Variants in CAMSAP1 observed in about 807,000 individuals in gnomAD.
The protein encoded by CAMSAP1 is calmodulin-regulated spectrin-associated protein 1.
In CAMSAP1, 58 loss-of-function variants were observed where a neutral mutation model predicts 143.5. The ratio of observed to expected loss-of-function variants is 0.40; its 90% confidence interval spans 0.33 to 0.50. The LOEUF (loss-of-function observed/expected upper bound fraction) is 0.50, where lower values mean the gene tolerates loss of function less well. Among genes scored for constraint, CAMSAP1 ranks in the 20% least tolerant of loss-of-function variants. CAMSAP1 has a pLI of 0.45. For synonymous variants in CAMSAP1, 945 were observed against 859.3 expected, an observed-to-expected ratio of 1.10 and a Z score of -1.74; for missense variants, 1,969 against 2,115.7, an observed-to-expected ratio of 0.93 and a Z score of 1.36.
intron 3 of CAMSAP1, among the ~76,000 whole-genome samples, chr9:135,880,535 AAGAGCAGGGCAAC>A (rs1837908569): frequency 6.6e-6 from 1 of 151,236 alleles, no homozygotes; most frequent in African/African-American, 2.5e-5. Flanking sequence ...AAAACAGCTC[AAGAGCAGGGCAAC>A]TGTCTTAGAA....
intron 1 of CAMSAP1, among the ~76,000 whole-genome samples, chr9:135,884,921 G>A (rs1272728356): frequency 6.6e-6 from 1 of 152,222 alleles, no homozygotes; most frequent in Non-Finnish European, 1.5e-5. Flanking sequence ...GGCCGTGGAG[G>A]GAAGTCAGGG....
At chr9:135,828,025 C>T (rs958979452) in intron 7 of CAMSAP1, among the ~76,000 whole-genome samples, 1 of 152,232 alleles carries the variant, frequency 6.6e-6, no homozygotes, top group African/African-American at 2.4e-5. Flanking sequence ...AGTGAGGGAC[C>T]GAGGCAGGGT....
chr9:135,832,574 A>G (rs1195115251), intron 7 of CAMSAP1, among the ~76,000 whole-genome samples: 1 of 152,198 alleles, frequency 6.6e-6, no homozygotes, highest in Non-Finnish European at 1.5e-5. Context: ...CAGATAAATT[A>G]GTCAAAATAA....
chr9:135,866,503 C>T lies in CAMSAP1; in HGVS notation c.619G>A (p.Glu207Lys). The T allele has an allele frequency of 6.8e-7, 1 of 1,477,296 alleles. No individual in the cohort carries two copies. Among genetic ancestry groups the T allele is most frequent in the South Asian group, 1.2e-5 (1 of 82,486 alleles). The allele number at this position is 1,477,296 out of a possible 1,614,324, so 91.5% of individuals were successfully genotyped here. The change falls in exon 4 of 17, where the codon GAA becomes AAA. Residue 207 changes from glutamate to lysine, a missense_variant. By Grantham distance (56) the Glu-to-Lys change is moderately conservative (BLOSUM62 1). Coordinates refer to ENST00000389532, the MANE Select transcript of CAMSAP1 (RefSeq NM_015447.4). The part of the protein sequence containing the change: ...NLKMREITEK[E>K]VKLKQQLLES... ...AATAACTGTTGTTTTAATTTAACTT[C>T]TTTCTCTGTTATCTCTCTCATTTTA...
chr9:135,812,679 G>C (rs1266654308), intron 16 of CAMSAP1, among the ~76,000 whole-genome samples: 1 of 152,176 alleles, frequency 6.6e-6, no homozygotes, highest in East Asian at 1.9e-4. Context: ...ATCTCATAAA[G>C]CTGTTTGGGC....
chr9:135,861,751 T>C (rs1195141380), intron 5 of CAMSAP1, among the ~76,000 whole-genome samples: 1 of 152,230 alleles, frequency 6.6e-6, no homozygotes, highest in Non-Finnish European at 1.5e-5. Flanking sequence ...TCCATATTAG[T>C]TTGGGGGGCA....
intron 7 of CAMSAP1, among the ~76,000 whole-genome samples, chr9:135,831,299 C>T (rs1047456679): frequency 6.6e-6 from 1 of 151,846 alleles, no homozygotes; most frequent in Non-Finnish European, 1.5e-5. Context: ...CTGAATGAAG[C>T]GGAATACAAC....
Position 135,873,559 on chromosome 9 carries a change from A to C in CAMSAP1, c.586-7023T>G, listed in dbSNP as rs528966455. 2.0e-5 allele frequency among the ~76,000 whole-genome samples: 3 copies of C among 152,296 alleles called. No homozygotes were observed. In the South Asian group the frequency reaches 6.2e-4, roughly 32 times the overall value. On this transcript the variant is annotated intron_variant, in intron 3 of 16. Coordinates refer to ENST00000389532, the MANE Select transcript of CAMSAP1 (RefSeq NM_015447.4). ...GGACTAATCAAGGTAAAGAAAAATGAAAGAAATTGCCAACCTCAGGAAACA... is the reference window on the plus strand; with the variant it reads ...GGACTAATCAAGGTAAAGAAAAATGCAAGAAATTGCCAACCTCAGGAAACA...
Position 135,862,611 on chromosome 9 carries a change from G to A in CAMSAP1, c.667-3C>T. 6.4e-7 allele frequency: 1 copy of A among 1,551,620 alleles called. No homozygotes were observed. The highest frequency in any genetic ancestry group is 8.7e-7 in the Non-Finnish European group (1 of 1,147,004). Reference sequence around the variant, plus strand: ...AGGTGCTCTCGTCGATAGCGGACCTGTAGTTGATAAAAGGAAAACGGTCTC... The same window carrying A: ...AGGTGCTCTCGTCGATAGCGGACCTATAGTTGATAAAAGGAAAACGGTCTC... On this transcript the variant is annotated splice_polypyrimidine_tract_variant and splice_region_variant and intron_variant, in intron 4 of 16. Transcript: ENST00000389532.
At chr9:135,836,244 A>G in intron 7 of CAMSAP1, 1 of 985,110 alleles carries the variant, frequency 1.0e-6, no homozygotes, top group South Asian at 4.7e-5. Flanking sequence ...CTACAGAAAC[A>G]CGTCACCACC....
chr9:135,882,663 T>C lies in CAMSAP1; in HGVS notation c.423+153A>G, dbSNP rs528347180. ...CAACAGTCATGTGCTTTAAAAGATATGCAGTTTCCTAAGGAACGCCAGTGT... is the reference window on the plus strand; with the variant it reads ...CAACAGTCATGTGCTTTAAAAGATACGCAGTTTCCTAAGGAACGCCAGTGT... On this transcript the variant is annotated intron_variant, in intron 2 of 16. Coordinates refer to ENST00000389532, the MANE Select transcript of CAMSAP1 (RefSeq NM_015447.4). This position sits in a 1 kb window ranked among gnomAD's most constrained non-coding sequence, Gnocchi z 4.9. Among the ~76,000 whole-genome samples the C allele has an allele frequency of 2.0e-5, 3 of 152,354 alleles. No individual in the cohort carries two copies. Among genetic ancestry groups the C allele is most frequent in the Admixed American group, 6.5e-5 (1 of 15,310 alleles).
rs777860289 is a variant in CAMSAP1 at position 135,822,596 on chromosome 9, C to T, written c.2065G>A (p.Asp689Asn). 61 of 1,613,308 alleles carry T rather than the reference C, an allele frequency of 3.8e-5. No individual in the cohort carries two copies. Among genetic ancestry groups the T allele is most frequent in the Non-Finnish European group, 4.7e-5 (55 of 1,179,766 alleles). ...CGGPLALGGFDPFPQGPSTDG... is the reference protein window; with the variant it reads ...CGGPLALGGFNPFPQGPSTDG... ...GTGGATGGTCCCTGGGGGAACGGAT[C>T]GAATCCGCCAAGGGCCAGAGGCCCA... The change falls in exon 11 of 17, where the codon GAT (aspartate) becomes AAT (asparagine). Residue 689 changes from aspartate (D) to asparagine (N), a missense_variant. Coordinates refer to ENST00000389532, the MANE Select transcript of CAMSAP1 (RefSeq NM_015447.4). The surrounding 1 kb of genome is among the most constrained non-coding windows in gnomAD (Gnocchi z 6.1).
intron 5 of CAMSAP1, among the ~76,000 whole-genome samples, chr9:135,851,024 CT>C (rs1836762585): frequency 6.6e-6 from 1 of 152,214 alleles, no homozygotes; most frequent in African/African-American, 2.4e-5. Flanking sequence ...TGCAGGGCAA[CT>C]TTCCATTGCA....
At chr9:135,875,055 T>C (rs1588494496) in intron 3 of CAMSAP1, among the ~76,000 whole-genome samples, 1 of 152,344 alleles carries the variant, frequency 6.6e-6, no homozygotes, top group Middle Eastern at 3.4e-3. Context: ...GTCTGTGGGC[T>C]GGAATATGCA....
chr9:135,893,258 A>G (rs1838343170), intron 1 of CAMSAP1, among the ~76,000 whole-genome samples: 1 of 149,552 alleles, frequency 6.7e-6, no homozygotes, highest in Non-Finnish European at 1.5e-5. Flanking sequence ...AGAAGGAGAG[A>G]GATGAAAGAA....
intron 1 of CAMSAP1, among the ~76,000 whole-genome samples, chr9:135,895,101 C>T (rs1368467175): frequency 1.3e-5 from 2 of 152,108 alleles, no homozygotes; most frequent in East Asian, 3.8e-4. Context: ...ACAGAGCCTC[C>T]AAGACCTGCG....
chr9:135,844,029 T>C (rs1836462005), intron 7 of CAMSAP1, among the ~76,000 whole-genome samples: 1 of 152,062 alleles, frequency 6.6e-6, no homozygotes, highest in African/African-American at 2.4e-5. Context: ...CACCCCACTG[T>C]CAATATTAGA....
At chr9:135,872,365 C>T (rs780475007) in intron 3 of CAMSAP1, among the ~76,000 whole-genome samples, 2 of 151,850 alleles carry the variant, frequency 1.3e-5, no homozygotes, top group African/African-American at 2.4e-5. Context: ...CAGCCTGTGA[C>T]GGTCTAAAGA....
rs529040413 is a variant in CAMSAP1 at position 135,824,177 on chromosome 9, T to C, written c.1316-143A>G. On this transcript the variant is annotated intron_variant, in intron 9 of 16. Coordinates refer to ENST00000389532, the MANE Select transcript of CAMSAP1 (RefSeq NM_015447.4). This position sits in a 1 kb window ranked among gnomAD's most constrained non-coding sequence, Gnocchi z 4.1. The stretch of plus-strand genomic sequence containing the variant: ...CATGGAAAGCAGAGAGGCAAAACCA[T>C]ACAGTTGTCCCACATTTTGATGGTA... The C allele has an allele frequency of 7.2e-5, 50 of 690,250 alleles. 1 individual carries two copies. In the South Asian group the frequency reaches 8.5e-4, roughly 12 times the overall value. 42.8% of individuals were successfully genotyped at this position (690,250 alleles called of 1,614,324 possible).
Sources: allele counts gnomAD v4.1 joint callset (sites outside exome capture counted in the v4.1 genomes callset), GRCh38; gene constraint gnomAD v4.1.1; non-coding constraint Gnocchi (gnomAD v3.1); transcripts MANE v1.5; gene names NCBI Gene and HGNC (gene_info 2026-07-23, HGNC 2026-07-21).